Variants in CC2D1A observed in about 807,000 individuals in gnomAD.
CC2D1A encodes the protein coiled-coil and C2 domain-containing protein 1A.
CC2D1A carries 68 observed loss-of-function variants against 123.8 expected under a neutral mutation model. That is an observed-to-expected ratio of 0.55 (90% CI 0.45 to 0.67). The LOEUF (loss-of-function observed/expected upper bound fraction) is 0.67, where lower values mean the gene tolerates loss of function less well. CC2D1A is among the 30% of genes least tolerant of loss of function. The probability of loss-of-function intolerance (pLI) is 0.00; values close to 1 mark genes in which losing one functional copy is unlikely to be tolerated. For missense variants in CC2D1A, 1,185 were observed against 1,290.3 expected, an observed-to-expected ratio of 0.92 and a Z score of 1.25; for synonymous variants, 477 against 528.0, an observed-to-expected ratio of 0.90 and a Z score of 1.32.
intron 17 of CC2D1A, among the ~76,000 whole-genome samples, chr19:13,926,043 TAC>T (rs146364176): frequency 0.17 from 12,140 of 71,822 alleles, 1,367 homozygotes; most frequent in African/African-American, 0.37. Flanking sequence ...TATATATATA[TAC>T]ACGTATATAT....
In CC2D1A at chr19:13,930,265, T is replaced by TA; in HGVS notation, c.2812dup (p.Arg938LysfsTer8). 6.2e-7 allele frequency: 1 copy of TA among 1,613,876 alleles called. No homozygotes were observed. Among genetic ancestry groups the TA allele is most frequent in the Non-Finnish European group, 8.5e-7 (1 of 1,179,890 alleles). ...AGGATGCTGCAAAGGAGGCGCTCTA[T>TA]AGGCGGAATCTGGTAGAGAGTGAGG... On this transcript the variant is annotated frameshift_variant, in exon 28 of 29. Transcript: ENST00000318003. LOFTEE classifies it high-confidence loss of function. This position sits in a 1 kb window ranked among gnomAD's most constrained non-coding sequence, Gnocchi z 6.8.
intron 14 of CC2D1A, among the ~76,000 whole-genome samples, chr19:13,921,264 A>C (rs569473655): frequency 6.6e-6 from 1 of 152,314 alleles, no homozygotes; most frequent in East Asian, 1.9e-4. Flanking sequence ...CTTTTAAAGG[A>C]AGTGACATCA....
At chr19:13,919,227 G>C (rs770969033) in intron 11 of CC2D1A, 25 bp downstream of exon 11, 1 of 1,555,590 alleles carries the variant, frequency 6.4e-7, no homozygotes, top group South Asian at 1.2e-5. Flanking sequence ...TGTAGGCCTC[G>C]CCCCAGTAGG....
intron 17 of CC2D1A, among the ~76,000 whole-genome samples, chr19:13,924,508 C>T (rs898855710): frequency 2.0e-5 from 3 of 151,846 alleles, no homozygotes; most frequent in African/African-American, 7.3e-5. Context: ...CTCACTTTGT[C>T]ACCCAGGCGG....
At position 13,929,577 on chromosome 19, in the gene CC2D1A, T is replaced by C; in HGVS notation, c.2627T>C (p.Val876Ala). The stretch of plus-strand genomic sequence containing the variant: ...GCGCGGCGGCCGGTGCCCCCAGAAG[T>C]GGCCCAGCAGTACCAGGACATCATG... ...RQARRPVPPE[V>A]AQQYQDIMQR... The change falls in exon 26 of 29, where the codon GTG (valine) becomes GCG (alanine). Residue 876 changes from valine (V) to alanine (A), a missense_variant. Physicochemically the swap from Val to Ala is moderately conservative, Grantham distance 64. Transcript: ENST00000318003. 6.2e-7 allele frequency: 1 copy of C among 1,607,274 alleles called. No homozygotes were observed. Among genetic ancestry groups the C allele is most frequent in the Non-Finnish European group, 8.5e-7 (1 of 1,178,590 alleles).
At chr19:13,924,980 A>T (rs1971542059) in intron 17 of CC2D1A, among the ~76,000 whole-genome samples, 1 of 151,998 alleles carries the variant, frequency 6.6e-6, no homozygotes, top group Non-Finnish European at 1.5e-5. Flanking sequence ...TCCTACCCCA[A>T]GCCTCTGCAT....
At chr19:13,927,152 C>G in intron 21 of CC2D1A, 23 bp from the exon 22 acceptor site, 1 of 1,613,202 alleles carries the variant, frequency 6.2e-7, no homozygotes, top group Non-Finnish European at 8.5e-7. Flanking sequence ...CATCCTGTCC[C>G]CACTATACAC....
At chr19:13,909,440 C>T (rs1040708455) in intron 1 of CC2D1A, among the ~76,000 whole-genome samples, 2 of 151,894 alleles carry the variant, frequency 1.3e-5, no homozygotes, top group South Asian at 4.2e-4. Flanking sequence ...ACTGTATTGC[C>T]CAGGCTGGTC....
At chr19:13,927,814 C>A in intron 22 of CC2D1A, 79 bp from the exon 23 acceptor site, 2 of 1,358,170 alleles carry the variant, frequency 1.5e-6, no homozygotes, top group South Asian at 1.3e-5. Flanking sequence ...AAAAACCAGT[C>A]TTGTTCTCCC....
rs1214555656 is a variant in CC2D1A, at chr19:13,927,950, G to C, written c.2374G>C (p.Glu792Gln). Residue 792 changes from glutamate (E) to glutamine (Q), a missense_variant, in exon 23 of 29, where the codon GAG becomes CAG. Physicochemically the swap from Glu to Gln is conservative, Grantham distance 29. Transcript: ENST00000318003. ...ACTGGAGGTAATGGTCCGGATTCGGGAGCCACTGACAGCCCAGCAGTTGGA... is the reference window on the plus strand; with the variant it reads ...ACTGGAGGTAATGGTCCGGATTCGGCAGCCACTGACAGCCCAGCAGTTGGA... Reference protein sequence around the residue: ...GRLEVMVRIREPLTAQQLETT... With the variant: ...GRLEVMVRIRQPLTAQQLETT... 3 of 1,613,546 alleles carry C rather than the reference G, an allele frequency of 1.9e-6. No individual in the cohort carries two copies. Among genetic ancestry groups the C allele is most frequent in the Non-Finnish European group, 2.5e-6 (3 of 1,179,872 alleles).
rs746815362 is a variant in CC2D1A at position 13,918,034 on chromosome 19, C to A, written c.749-36C>A. 3 of 1,610,494 alleles carry A rather than the reference C, an allele frequency of 1.9e-6. No homozygotes were observed. In the East Asian group the frequency reaches 6.7e-5, roughly 36 times the overall value. The stretch of plus-strand genomic sequence containing the variant: ...GTTTACACGGTGAACTTGGCCCAGG[C>A]CCTGGAGGCTTCCTGTATGTTGTTC... On this transcript the variant is annotated intron_variant, in intron 6 of 28. Transcript: ENST00000318003.
At position 13,930,370 on chromosome 19, in the gene CC2D1A, C is replaced by T. The variant is rs755796931; in HGVS notation, c.2836-5C>T. 3.7e-6 allele frequency: 6 copies of T among 1,613,276 alleles called. No homozygotes were observed. The Admixed American group carries it at 8.3e-5, about 22-fold the overall frequency. ...CCATGACCCCAGTGGCCTCCTCTCC[C>T]CCAGCTGCAGCGGCTCCGCAGGTGA... On this transcript the variant is annotated splice_polypyrimidine_tract_variant and splice_region_variant and intron_variant, in intron 28 of 28. Coordinates refer to ENST00000318003, the MANE Select transcript of CC2D1A (RefSeq NM_017721.5). The surrounding 1 kb of genome is among the most constrained non-coding windows in gnomAD (Gnocchi z 6.8).
At chr19:13,912,290 C>A in intron 2 of CC2D1A, 33 bp from the exon 3 acceptor site, 1 of 1,560,532 alleles carries the variant, frequency 6.4e-7, no homozygotes, top group Non-Finnish European at 8.7e-7. Context: ...GGTGTACGAC[C>A]CTGGTCCACC....
intron 17 of CC2D1A, among the ~76,000 whole-genome samples, chr19:13,926,092 A>G (rs1568419205): frequency 1.4e-5 from 2 of 144,620 alleles, no homozygotes; most frequent in Non-Finnish European, 3.0e-5. Context: ...ACACACATAT[A>G]TATTAAGTGA....
At position 13,923,737 on chromosome 19, in the gene CC2D1A, T is replaced by C; in HGVS notation, c.1866T>C (p.Ile622=). 1 of 1,614,138 alleles carries C rather than the reference T, an allele frequency of 6.2e-7. No homozygotes were observed. The highest frequency in any genetic ancestry group is 8.5e-7 in the Non-Finnish European group (1 of 1,180,006). ...LAEDCKRSMD[I]LKQAFVRGLP... Reference sequence around the variant, plus strand: ...AGGACTGTAAGCGGAGCATGGACATTCTGAAGCAAGCCTTCGTCCGGGGTC... The same window carrying C: ...AGGACTGTAAGCGGAGCATGGACATCCTGAAGCAAGCCTTCGTCCGGGGTC... The change falls in exon 17 of 29, where the codon ATT becomes ATC. Residue 622 remains isoleucine (I), a synonymous_variant. Coordinates refer to ENST00000318003, the MANE Select transcript of CC2D1A (RefSeq NM_017721.5). The surrounding 1 kb of genome is among the most constrained non-coding windows in gnomAD (Gnocchi z 5.3).
Position 13,906,286 on chromosome 19 carries a change from CCAAGCAGGGAAGCGAGGGCT to C in CC2D1A, c.-154_-135del. ...GAGGCCCGAGGCGGAAGTGGGACGG[CCAAGCAGGGAAGCGAGGGCT>C]CGGGATCGACGGCCGCGGGGCGCCG... On this transcript the variant is annotated 5_prime_UTR_variant, in exon 1 of 29. Transcript: ENST00000318003. This position sits in a 1 kb window ranked among gnomAD's most constrained non-coding sequence, Gnocchi z 4.1. The C allele has an allele frequency of 1.8e-6, 1 of 544,840 alleles. No individual in the cohort carries two copies. Among genetic ancestry groups the C allele is most frequent in the Non-Finnish European group, 3.0e-6 (1 of 335,546 alleles). 33.8% of individuals were successfully genotyped at this position (544,840 alleles called of 1,614,324 possible). A position where few individuals can be genotyped will look rare whatever the true frequency, so the allele number is the denominator to read the frequency against.
At chr19:13,926,028 G>GTA (rs200654898) in intron 17 of CC2D1A, among the ~76,000 whole-genome samples, 1,729 of 73,984 alleles carry the variant, frequency 0.023, 41 homozygotes, top group African/African-American at 0.05. Context: ...ATATATATGT[G>GTA]TATATATATA....
intron 4 of CC2D1A, 64 bp downstream of exon 4, chr19:13,912,657 C>T: frequency 1.3e-6 from 2 of 1,543,446 alleles, no homozygotes; most frequent in Non-Finnish European, 8.9e-7. Context: ...GGTTCAAGAC[C>T]TAGCCTTTTT....
Position 13,923,205 on chromosome 19 carries a change from A to T in CC2D1A, c.1642-128A>T. On this transcript the variant is annotated intron_variant, in intron 14 of 28. Transcript: ENST00000318003. This position sits in a 1 kb window ranked among gnomAD's most constrained non-coding sequence, Gnocchi z 5.3. Reference sequence around the variant, plus strand: ...GAGACTCCATCTCAAAAAAAAAAAAAGACCAGAGAAGGGTGACAGAGCCGT... The same window carrying T: ...GAGACTCCATCTCAAAAAAAAAAAATGACCAGAGAAGGGTGACAGAGCCGT... 2 of 1,190,250 alleles carry T rather than the reference A, an allele frequency of 1.7e-6. No individual in the cohort carries two copies. Among genetic ancestry groups the T allele is most frequent in the Non-Finnish European group, 1.2e-6 (1 of 858,034 alleles). The allele number at this position is 1,190,250 out of a possible 1,614,324, so 73.7% of individuals were successfully genotyped here.
Sources: allele counts gnomAD v4.1 joint callset (sites outside exome capture counted in the v4.1 genomes callset), GRCh38; gene constraint gnomAD v4.1.1; non-coding constraint Gnocchi (gnomAD v3.1); transcripts MANE v1.5; gene names NCBI Gene and HGNC (gene_info 2026-07-23, HGNC 2026-07-21).